Variants in SPMAP2L observed in about 807,000 individuals in gnomAD.
SPMAP2L encodes the protein sperm microtubule associated protein 2-like.
the SPMAP2L span, among the ~76,000 whole-genome samples, chr4:56,563,232 A>G: frequency 6.7e-6 from 1 of 150,142 alleles, no homozygotes; most frequent in Non-Finnish European, 1.5e-5. Context: ...AGCTAGGACT[A>G]CAGGCACATG....
the SPMAP2L span, among the ~76,000 whole-genome samples, chr4:56,539,410 C>T: frequency 1.3e-5 from 2 of 152,102 alleles, no homozygotes; most frequent in Admixed American, 6.5e-5. Flanking sequence ...ACAATAACCT[C>T]TTTTTATTTT....
At chr4:56,593,616 T>C in the SPMAP2L span, 1 of 1,604,132 alleles carries the variant, frequency 6.2e-7, no homozygotes, top group Non-Finnish European at 8.5e-7. Context: ...TCCCAGAGAT[T>C]TGGAGTGCCA....
the SPMAP2L span, among the ~76,000 whole-genome samples, chr4:56,567,454 T>G: frequency 2.1e-5 from 3 of 141,540 alleles, no homozygotes; most frequent in Admixed American, 7.0e-5. Context: ...TTTTTTTTTT[T>G]TTTTTTTTTT....
At chr4:56,583,441 C>T in the SPMAP2L span, among the ~76,000 whole-genome samples, 1 of 151,994 alleles carries the variant, frequency 6.6e-6, no homozygotes, top group African/African-American at 2.4e-5. Context: ...GAATTGTATA[C>T]TTTAAAAGGG....
At chr4:56,537,859 A>AT in the SPMAP2L span, among the ~76,000 whole-genome samples, 1 of 151,874 alleles carries the variant, frequency 6.6e-6, no homozygotes, top group South Asian at 2.1e-4. Flanking sequence ...CGCCCGGCTA[A>AT]TTTTTTTGTA....
chr4:56,570,729 T>C, the SPMAP2L span, among the ~76,000 whole-genome samples: 19 of 130,962 alleles, frequency 1.5e-4, no homozygotes, highest in Non-Finnish European at 1.4e-4. Context: ...TTATACTGTT[T>C]ATGAAAAAGT....
At chr4:56,559,193 C>T in the SPMAP2L span, among the ~76,000 whole-genome samples, 20 of 148,202 alleles carry the variant, frequency 1.3e-4, no homozygotes, top group African/African-American at 4.2e-4. Flanking sequence ...CCCAGCTACT[C>T]GGGTGGCTGA....
the SPMAP2L span, among the ~76,000 whole-genome samples, chr4:56,571,461 C>T: frequency 4.4e-4 from 66 of 151,442 alleles, no homozygotes; most frequent in South Asian, 1.5e-3. Flanking sequence ...TACAGGTGTG[C>T]GCCACCACAC....
chr4:56,572,676 ATT>A, the SPMAP2L span, among the ~76,000 whole-genome samples: 1 of 152,114 alleles, frequency 6.6e-6, no homozygotes, highest in African/African-American at 2.4e-5. Flanking sequence ...TATACTGAAT[ATT>A]TGTCTCTTTT....
chr4:56,558,536 T>A, the SPMAP2L span, among the ~76,000 whole-genome samples: 1 of 152,218 alleles, frequency 6.6e-6, no homozygotes, highest in Admixed American at 6.5e-5. Context: ...TTGGACGGCA[T>A]CATTTGGACC....
At chr4:56,600,097 CTTTTTTTTTTTTTTTTT>C in the SPMAP2L span, among the ~76,000 whole-genome samples, 1 of 87,782 alleles carries the variant, frequency 1.1e-5, no homozygotes, top group African/African-American at 5.1e-5. Flanking sequence ...TCTTTGCTTT[CTTTTTTTTTTTTTTTTT>C]TTTTTTTTTT....
At chr4:56,554,391 G>A in the SPMAP2L span, among the ~76,000 whole-genome samples, 1 of 152,228 alleles carries the variant, frequency 6.6e-6, no homozygotes, top group African/African-American at 2.4e-5. Flanking sequence ...TAGGTGTGTA[G>A]TGGTATCTCA....
At chr4:56,566,272 C>T in the SPMAP2L span, among the ~76,000 whole-genome samples, 1 of 152,104 alleles carries the variant, frequency 6.6e-6, no homozygotes, top group East Asian at 1.9e-4. Flanking sequence ...AATCTTGGCT[C>T]ACTGCAACCT....
the SPMAP2L span, among the ~76,000 whole-genome samples, chr4:56,533,356 G>A: frequency 6.6e-6 from 1 of 151,852 alleles, no homozygotes; most frequent in Non-Finnish European, 1.5e-5. Context: ...TTTCCTCCTC[G>A]CTCTTAGCTG....
the SPMAP2L span, among the ~76,000 whole-genome samples, chr4:56,591,510 A>G: frequency 6.6e-6 from 1 of 152,216 alleles, no homozygotes; most frequent in South Asian, 2.1e-4. Context: ...AATTTGATTA[A>G]TACACAAAAC....
At chr4:56,543,793 T>C in the SPMAP2L span, among the ~76,000 whole-genome samples, 1 of 152,148 alleles carries the variant, frequency 6.6e-6, no homozygotes, top group Non-Finnish European at 1.5e-5. Flanking sequence ...TAAATCTGTT[T>C]TGAATTTCTT....
At chr4:56,600,093 C>CTTTTTTT in the SPMAP2L span, among the ~76,000 whole-genome samples, 1 of 93,860 alleles carries the variant, frequency 1.1e-5, no homozygotes, top group African/African-American at 4.7e-5. Context: ...TTTTTCTTTG[C>CTTTTTTT]TTTCTTTTTT....
the SPMAP2L span, among the ~76,000 whole-genome samples, chr4:56,608,518 G>A: frequency 6.6e-6 from 1 of 152,152 alleles, no homozygotes; most frequent in Non-Finnish European, 1.5e-5. Context: ...GGCCCTTGAG[G>A]ACAGAATGAT....
the SPMAP2L span, among the ~76,000 whole-genome samples, chr4:56,585,945 G>A: frequency 3.3e-5 from 5 of 152,096 alleles, no homozygotes; most frequent in South Asian, 8.3e-4. Context: ...TCTCATCTAG[G>A]TGTCTGTTGC....
Sources: gnomAD v4.1 joint callset for allele counts (sites outside exome capture counted in the v4.1 genomes callset) on GRCh38, gnomAD v4.1.1 for gene constraint, MANE v1.5 for transcripts, NCBI Gene and HGNC (gene_info 2026-07-23, HGNC 2026-07-21) for gene names.